The following EPHA6 variants were observed in gnomAD, a reference collection of about 807,000 sequenced individuals.
EPHA6 encodes ephrin type-A receptor 6.
In EPHA6, 50 loss-of-function variants were observed where a neutral mutation model predicts 112.0. The observed-to-expected ratio is 0.45, with a 90% confidence interval of 0.36 to 0.56. EPHA6 has a LOEUF of 0.56. Among genes scored for constraint, EPHA6 ranks in the 20% least tolerant of loss-of-function variants. The pLI is 0.00. For synonymous variants in EPHA6, 529 were observed against 490.7 expected (o/e 1.08, Z -1.03); for missense variants, 1,280 against 1,417.4 (o/e 0.90, Z 1.56).
At chr3:97,280,456 A>AT (rs1231977993) in intron 5 of EPHA6, among the ~76,000 whole-genome samples, 1 of 152,222 alleles carries the variant, frequency 6.6e-6, no homozygotes, top group Non-Finnish European at 1.5e-5. Flanking sequence ...AGGTTGAAAC[A>AT]TAAGACTCAC....
rs1167641477 is a variant in EPHA6 at position 97,076,359 on chromosome 3, T to C, written c.1114+88366T>C. On this transcript the variant is annotated intron_variant, in intron 3 of 17. Coordinates refer to ENST00000389672, the MANE Select transcript of EPHA6 (RefSeq NM_001080448.3). ...ATAGAAGATCAAACCAGCCACAACA[T>C]TCCGTTAAGCCAAAACCTAATTCAG... Among the ~76,000 whole-genome samples, 8 of 152,280 alleles carry C rather than the reference T, an allele frequency of 5.3e-5. No homozygotes were observed. In the East Asian group the frequency reaches 1.5e-3, roughly 29 times the overall value.
chr3:97,130,275 T>A (rs1252008436), intron 3 of EPHA6, among the ~76,000 whole-genome samples: 2 of 152,124 alleles, frequency 1.3e-5, no homozygotes, highest in Non-Finnish European at 2.9e-5. Flanking sequence ...GTTGTTTTTT[T>A]CTCTTTTTCT....
At chr3:97,435,584 G>T (rs1159702821) in intron 6 of EPHA6, among the ~76,000 whole-genome samples, 1 of 152,066 alleles carries the variant, frequency 6.6e-6, no homozygotes, top group Non-Finnish European at 1.5e-5. Context: ...TGAGATTTCT[G>T]CCTGACCAAG....
At chr3:97,645,557 A>G (rs184210) in intron 14 of EPHA6, among the ~76,000 whole-genome samples, 2 of 149,378 alleles carry the variant, frequency 1.3e-5, no homozygotes, top group African/African-American at 5.0e-5. Context: ...GGAGATATAC[A>G]TAATGCTAGA....
chr3:97,221,308 CAAAAAAAAA>C (rs57025573), intron 3 of EPHA6, among the ~76,000 whole-genome samples: 183 of 16,408 alleles, frequency 0.011, 1 homozygote, highest in African/African-American at 0.021. Context: ...GACTCTGTCT[CAAAAAAAAA>C]AAAAAAAAAA....
intron 3 of EPHA6, among the ~76,000 whole-genome samples, chr3:96,998,838 C>A (rs1388357619): frequency 6.6e-6 from 1 of 151,814 alleles, no homozygotes; most frequent in East Asian, 1.9e-4. Context: ...TGGAAACTTT[C>A]AATTTATCCT....
intron 14 of EPHA6, among the ~76,000 whole-genome samples, chr3:97,639,087 A>G (rs1488258704): frequency 1.3e-5 from 2 of 152,074 alleles, no homozygotes; most frequent in Non-Finnish European, 2.9e-5. Flanking sequence ...TAGAAATGTT[A>G]TCTATTAATT....
intron 3 of EPHA6, among the ~76,000 whole-genome samples, chr3:96,995,678 T>C (rs1304303699): frequency 6.6e-6 from 1 of 152,168 alleles, no homozygotes; most frequent in African/African-American, 2.4e-5. Context: ...AAAAGTTATA[T>C]TTACACTATT....
Position 97,004,910 on chromosome 3 carries a change from A to T in EPHA6, c.1114+16917A>T, listed in dbSNP as rs531816551. ...CTTGTTTTTGTCAGGTTTGTCAAGG[A>T]TCAGATGGTTGTAGATGTGTGGTGT... On this transcript the variant is annotated intron_variant, in intron 3 of 17. Coordinates refer to ENST00000389672, the MANE Select transcript of EPHA6 (RefSeq NM_001080448.3). Among the ~76,000 whole-genome samples, 23 of 152,256 alleles carry T rather than the reference A, an allele frequency of 1.5e-4. No homozygotes were observed. The South Asian group carries it at 4.8e-3, about 32-fold the overall frequency.
At chr3:97,144,939 C>T (rs551497717) in intron 3 of EPHA6, among the ~76,000 whole-genome samples, 1 of 151,418 alleles carries the variant, frequency 6.6e-6, no homozygotes, top group Non-Finnish European at 1.5e-5. Flanking sequence ...ATTTCTTCTG[C>T]CTTTTTCTTA....
intron 2 of EPHA6, among the ~76,000 whole-genome samples, chr3:96,947,477 G>T (rs1197813331): frequency 6.6e-6 from 1 of 152,140 alleles, no homozygotes; most frequent in Non-Finnish European, 1.5e-5. Context: ...GTTTGTCAAA[G>T]ATCAGATGGT....
intron 2 of EPHA6, among the ~76,000 whole-genome samples, chr3:96,934,576 T>C (rs936917376): frequency 1.3e-5 from 2 of 151,496 alleles, no homozygotes; most frequent in African/African-American, 2.4e-5. Flanking sequence ...AAACTACCTA[T>C]TGAGTATAAT....
intron 3 of EPHA6, among the ~76,000 whole-genome samples, chr3:97,193,058 G>A (rs576453759): frequency 1.1e-4 from 16 of 152,214 alleles, no homozygotes; most frequent in African/African-American, 3.9e-4. Flanking sequence ...AGTATAACCT[G>A]GAGTCAGGTA....
chr3:97,592,521 C>A (rs536522595), intron 11 of EPHA6, 91 bp from the exon 12 acceptor site: 4 of 1,463,448 alleles, frequency 2.7e-6, no homozygotes, highest in Non-Finnish European at 2.8e-6. Context: ...AATTTGATGT[C>A]TTTGTTGATT....
intron 3 of EPHA6, among the ~76,000 whole-genome samples, chr3:97,071,396 TAA>T (rs2046351221): frequency 6.6e-6 from 1 of 152,008 alleles, no homozygotes; most frequent in Non-Finnish European, 1.5e-5. Context: ...ATGCTGCTGA[TAA>T]AGACATACCA....
intron 2 of EPHA6, among the ~76,000 whole-genome samples, chr3:96,869,647 A>G (rs1354306936): frequency 6.6e-6 from 1 of 152,058 alleles, no homozygotes; most frequent in African/African-American, 2.4e-5. Flanking sequence ...GATAGTGCAT[A>G]TCTCTGCATC....
chr3:97,624,481 TG>T (rs749839099), intron 13 of EPHA6, among the ~76,000 whole-genome samples: 65 of 151,776 alleles, frequency 4.3e-4, no homozygotes, highest in Non-Finnish European at 7.8e-4. Flanking sequence ...TTTTCATAAA[TG>T]GTTAAGGGAT....
At chr3:97,420,183 C>A (rs1395863582) in intron 6 of EPHA6, among the ~76,000 whole-genome samples, 2 of 151,900 alleles carry the variant, frequency 1.3e-5, no homozygotes, top group East Asian at 3.9e-4. Flanking sequence ...GTATTATAAA[C>A]ATCCATAAAT....
intron 1 of EPHA6, among the ~76,000 whole-genome samples, chr3:96,856,107 G>A (rs1485811201): frequency 2.0e-5 from 3 of 152,072 alleles, no homozygotes; most frequent in Admixed American, 6.6e-5. Flanking sequence ...GGGCATGATG[G>A]TGCACATCTG....
Sources: allele counts gnomAD v4.1 joint callset (sites outside exome capture counted in the v4.1 genomes callset), GRCh38; gene constraint gnomAD v4.1.1; transcripts MANE v1.5; gene names NCBI Gene and HGNC (gene_info 2026-07-23, HGNC 2026-07-21).